The following DNAJC25 variants were observed in gnomAD, a reference collection of about 807,000 sequenced individuals.
The protein encoded by DNAJC25 is dnaJ homolog subfamily C member 25.
DNAJC25 carries 26 observed loss-of-function variants against 42.1 expected under a neutral mutation model. The ratio of observed to expected loss-of-function variants is 0.62; its 90% CI spans 0.45 to 0.86. The LOEUF (loss-of-function observed/expected upper bound fraction) is 0.86, where lower values mean the gene tolerates loss of function less well. Ranked by LOEUF, DNAJC25 falls within the 40% of genes least tolerant of loss-of-function variation. DNAJC25 has a pLI of 0.00. For synonymous variants in DNAJC25, 189 were observed against 179.9 expected (o/e 1.05, Z -0.40); for missense variants, 404 against 459.4 (o/e 0.88, Z 1.10).
chr9:111,653,167 A>G lies in DNAJC25; in HGVS notation c.1028A>G (p.Tyr343Cys). The G allele has an allele frequency of 6.2e-7, 1 of 1,603,990 alleles. No homozygotes were observed. The highest frequency in any genetic ancestry group is 1.1e-5 in the South Asian group (1 of 89,724). Residue 343 changes from tyrosine to cysteine, a missense_variant, in exon 4 of 4, where the codon TAC becomes TGC. Transcript: ENST00000313525. Reference sequence around the variant, plus strand: ...GCAAATGACCCCAGATGGAAGAGATACAGGAGATGGATGAAGAATGAAGGG... The same window carrying G: ...GCAAATGACCCCAGATGGAAGAGATGCAGGAGATGGATGAAGAATGAAGGG... ...KLANDPRWKR[Y>C]RRWMKNEGPG...
intron 1 of DNAJC25, among the ~76,000 whole-genome samples, chr9:111,641,629 G>A (rs1830468905): frequency 6.9e-6 from 1 of 145,086 alleles, no homozygotes; most frequent in African/African-American, 2.6e-5. Context: ...GGGAGGTGGG[G>A]GGGTCAGCCC....
At position 111,631,412 on chromosome 9, in the gene DNAJC25, G is replaced by A. The variant is rs1264375388; in HGVS notation, c.5G>A (p.Gly2Glu). The change falls in exon 1 of 4, where the codon GGG (glycine) becomes GAG (glutamate). Residue 2 changes from glycine (G) to glutamate (E), a missense_variant. Physicochemically the swap from Gly to Glu is moderately conservative, Grantham distance 98. Coordinates refer to ENST00000313525, the MANE Select transcript of DNAJC25 (RefSeq NM_001015882.3). Reference protein sequence around the residue: MGAPLLSPGWGA... With the variant: MEAPLLSPGWGA... Reference sequence around the variant, plus strand: ...GAGCCGCCAGCGAGGCTGGGGATGGGGGCGCCGCTGCTCTCTCCCGGCTGG... The same window carrying A: ...GAGCCGCCAGCGAGGCTGGGGATGGAGGCGCCGCTGCTCTCTCCCGGCTGG... 8 of 1,279,612 alleles carry A rather than the reference G, an allele frequency of 6.3e-6. No homozygotes were observed. The highest frequency in any genetic ancestry group is 7.9e-6 in the Non-Finnish European group (8 of 1,017,448). The allele number at this position is 1,279,612 out of a possible 1,614,324, so 79.3% of individuals were successfully genotyped here. A position where few individuals can be genotyped will look rare whatever the true frequency, so the allele number is the denominator to read the frequency against.
chr9:111,648,082 C>G (rs963799756), intron 2 of DNAJC25, among the ~76,000 whole-genome samples: 9 of 152,156 alleles, frequency 5.9e-5, no homozygotes, highest in Non-Finnish European at 1.2e-4. Flanking sequence ...CGGCCAGGAA[C>G]TTTTTATGTT....
intron 1 of DNAJC25, among the ~76,000 whole-genome samples, chr9:111,638,291 T>C (rs1262089041): frequency 6.6e-6 from 1 of 152,244 alleles, no homozygotes; most frequent in Non-Finnish European, 1.5e-5. Flanking sequence ...TAGGGAATGC[T>C]GAAATGCCTG....
rs1269780428 is a variant in DNAJC25 at position 111,631,515 on chromosome 9, G to T, written c.108G>T (p.Ala36=). 1 of 1,331,732 alleles carries T rather than the reference G, an allele frequency of 7.5e-7. No homozygotes were observed. The highest frequency in any genetic ancestry group is 9.5e-7 in the Non-Finnish European group (1 of 1,047,252). The allele number at this position is 1,331,732 out of a possible 1,614,324, so 82.5% of individuals were successfully genotyped here. A position where few individuals can be genotyped will look rare whatever the true frequency, so the allele number is the denominator to read the frequency against. Residue 36 remains alanine (A), a synonymous_variant, in exon 1 of 4, where the codon GCG becomes GCT. Transcript: ENST00000313525. ...CGGCGCTGCTGCTGGTGCGGCCCGC[G>T]GGGGCCCTGGTGGAGGGGCTCTACT... is the stretch of plus-strand genomic sequence containing the variant. ...LLPALLLVRP[A]GALVEGLYCG...
At position 111,639,964 on chromosome 9, in the gene DNAJC25, C is replaced by T. The variant is rs568944357; in HGVS notation, c.337-7143C>T. On this transcript the variant is annotated intron_variant, in intron 1 of 3. Coordinates refer to ENST00000313525, the MANE Select transcript of DNAJC25 (RefSeq NM_001015882.3). ...CGTCTCCGTCTCCGTCTCCGTCTCC[C>T]CATGGTCTCCCTCTCATGCGGAGCC... Among the ~76,000 whole-genome samples, 390 of 139,018 alleles carry T rather than the reference C, an allele frequency of 2.8e-3. 2 individuals are homozygous for T. Among genetic ancestry groups the T allele is most frequent in the African/African-American group, 9.6e-3 (341 of 35,612 alleles). 91.2% of individuals were successfully genotyped at this position (139,018 alleles called of 152,430 possible). A position where few individuals can be genotyped will look rare whatever the true frequency, so the allele number is the denominator to read the frequency against.
chr9:111,643,831 G>A (rs1564085423), intron 1 of DNAJC25, among the ~76,000 whole-genome samples: 1 of 152,110 alleles, frequency 6.6e-6, no homozygotes, highest in South Asian at 2.1e-4. Flanking sequence ...CAGAAGGATG[G>A]TCCTTCTTAT....
chr9:111,641,176 T>C (rs1347435595), intron 1 of DNAJC25, among the ~76,000 whole-genome samples: 1 of 70,356 alleles, frequency 1.4e-5, no homozygotes, highest in Non-Finnish European at 2.6e-5. Flanking sequence ...GGGAGGGAGG[T>C]GGGGGGGTCA....
chr9:111,647,342 G>C (rs941950562), intron 2 of DNAJC25, 83 bp downstream of exon 2: 33 of 1,473,318 alleles, frequency 2.2e-5, no homozygotes, highest in Non-Finnish European at 2.7e-6. Flanking sequence ...ACCTAACTGC[G>C]AGTATCTTCT....
chr9:111,638,579 T>G (rs968190936), intron 1 of DNAJC25, among the ~76,000 whole-genome samples: 1 of 152,184 alleles, frequency 6.6e-6, no homozygotes, highest in Non-Finnish European at 1.5e-5. Flanking sequence ...ACTTGCTGTT[T>G]TTTTTCCTGT....
intron 1 of DNAJC25, among the ~76,000 whole-genome samples, chr9:111,638,893 C>T (rs1570304): frequency 0.65 from 98,662 of 151,244 alleles, 33,089 homozygotes; most frequent in East Asian, 0.95. Flanking sequence ...CCTCAACAGT[C>T]CTTATCCAAA....
chr9:111,650,933 T>G lies in DNAJC25; in HGVS notation c.960+1010T>G, dbSNP rs76067115. 2.0e-5 allele frequency among the ~76,000 whole-genome samples: 3 copies of G among 152,326 alleles called. No homozygotes were observed. In the East Asian group the frequency reaches 5.8e-4, roughly 29 times the overall value. On this transcript the variant is annotated intron_variant, in intron 3 of 3. Coordinates refer to ENST00000313525, the MANE Select transcript of DNAJC25 (RefSeq NM_001015882.3). ...TATATTTATGTAAATTAACTTACTG[T>G]GAATTGCCCGATGTTTTACCAAGTA...
At chr9:111,652,769 ACTC>A (rs1210946143) in intron 3 of DNAJC25, among the ~76,000 whole-genome samples, 1 of 150,012 alleles carries the variant, frequency 6.7e-6, no homozygotes, top group Non-Finnish European at 1.5e-5. Flanking sequence ...CTGGTTTTGA[ACTC>A]CTGACCTCAG....
intron 1 of DNAJC25, among the ~76,000 whole-genome samples, chr9:111,645,663 G>T (rs1830558550): frequency 6.6e-6 from 1 of 152,216 alleles, no homozygotes; most frequent in African/African-American, 2.4e-5. Flanking sequence ...GGAGGACTCA[G>T]AAGGTGATCC....
At chr9:111,639,336 T>A (rs371039687) in intron 1 of DNAJC25, among the ~76,000 whole-genome samples, 11 of 152,240 alleles carry the variant, frequency 7.2e-5, no homozygotes, top group African/African-American at 2.2e-4. Flanking sequence ...TATTAACTGA[T>A]ACACAGAGGG....
At chr9:111,638,990 A>G (rs1830404080) in intron 1 of DNAJC25, among the ~76,000 whole-genome samples, 1 of 151,858 alleles carries the variant, frequency 6.6e-6, no homozygotes, top group African/African-American at 2.4e-5. Flanking sequence ...ATTTTTTGAT[A>G]CTTTTATACC....
intron 1 of DNAJC25, among the ~76,000 whole-genome samples, chr9:111,641,846 G>A (rs1830476914): frequency 2.2e-5 from 3 of 138,400 alleles, no homozygotes; most frequent in Non-Finnish European, 4.7e-5. Context: ...CGCCCCGTCC[G>A]GGAGGTGAGG....
intron 1 of DNAJC25, among the ~76,000 whole-genome samples, chr9:111,643,533 T>A (rs1830518797): frequency 6.6e-6 from 1 of 152,174 alleles, no homozygotes; most frequent in Non-Finnish European, 1.5e-5. Flanking sequence ...AAATAGACAT[T>A]TGAAGACATA....
chr9:111,639,924 C>T (rs1830421756), intron 1 of DNAJC25, among the ~76,000 whole-genome samples: 1 of 141,600 alleles, frequency 7.1e-6, no homozygotes, highest in African/African-American at 2.7e-5. Flanking sequence ...CCCTCTCCCT[C>T]TCCCTCTCCG....
Sources: gnomAD v4.1 joint callset for allele counts (sites outside exome capture counted in the v4.1 genomes callset) on GRCh38, gnomAD v4.1.1 for gene constraint, MANE v1.5 for transcripts, NCBI Gene and HGNC (gene_info 2026-07-23, HGNC 2026-07-21) for gene names.